MYDGF: variants seen among roughly 807,000 people sequenced by gnomAD.
MYDGF encodes the protein myeloid derived growth factor, also known as myeloid-derived growth factor.
Under a neutral mutation model 24.2 loss-of-function variants are expected in MYDGF, and 29 were observed. The ratio of observed to expected loss-of-function variants is 1.20; its 90% CI spans 0.89 to 1.63. MYDGF has a LOEUF of 1.63. MYDGF is among the 40% of genes most tolerant of loss of function. The pLI, the probability that MYDGF is intolerant of heterozygous loss-of-function variation, is 0.00. For synonymous variants in MYDGF, 105 were observed against 102.5 expected (o/e 1.02, Z -0.15); for missense variants, 245 against 234.8 (o/e 1.04, Z -0.29).
At position 4,670,305 on chromosome 19, in the gene MYDGF, G is replaced by A. The variant is rs751600499; in HGVS notation, c.30C>T (p.Gly10=). The A allele has an allele frequency of 1.3e-6, 2 of 1,494,748 alleles. No individual in the cohort carries two copies. Among genetic ancestry groups the A allele is most frequent in the East Asian group, 2.8e-5 (1 of 35,114 alleles). 92.6% of individuals were successfully genotyped at this position (1,494,748 alleles called of 1,614,324 possible). The part of the protein sequence containing the change: MAAPSGGWN[G]VGASLWAALL... ...GCGCGGCCCACAAGCTCGCGCCGAC[G>A]CCGTTCCACCCTCCGCTGGGCGCCG... The change falls in exon 1 of 6, where the codon GGC becomes GGT. Residue 10 remains glycine (G), a synonymous_variant. Transcript: ENST00000262947.
intron 3 of MYDGF, among the ~76,000 whole-genome samples, chr19:4,662,593 G>GA (rs546287388): frequency 8.0e-4 from 122 of 152,268 alleles, no homozygotes; most frequent in Non-Finnish European, 1.6e-3. Context: ...GGTGTCTGGG[G>GA]AGACTTGGGG....
chr19:4,668,315 C>A (rs555334574), intron 2 of MYDGF, among the ~76,000 whole-genome samples: 1 of 152,204 alleles, frequency 6.6e-6, no homozygotes, highest in Non-Finnish European at 1.5e-5. Context: ...TTGCACTGCA[C>A]ATAAAATACA....
intron 2 of MYDGF, among the ~76,000 whole-genome samples, chr19:4,668,045 A>C (rs1025797817): frequency 2.0e-5 from 3 of 152,188 alleles, no homozygotes; most frequent in African/African-American, 7.2e-5. Flanking sequence ...CTCCTGCCTC[A>C]GCCTCCTGAG....
intron 4 of MYDGF, chr19:4,660,451 A>G (rs981359426): frequency 5.3e-6 from 3 of 570,778 alleles, no homozygotes; most frequent in Admixed American, 3.2e-5. Context: ...TCTGGCATAT[A>G]CAAGAGAAGC....
intron 2 of MYDGF, among the ~76,000 whole-genome samples, chr19:4,667,121 CTTTTTTTTTTT>C (rs57093750): frequency 3.9e-5 from 4 of 102,170 alleles, no homozygotes; most frequent in African/African-American, 1.3e-4. Context: ...TCAAATCACC[CTTTTTTTTTTT>C]TTTTTTTTTT....
chr19:4,665,881 T>C (rs66729519), intron 2 of MYDGF, among the ~76,000 whole-genome samples: 2 of 80,034 alleles, frequency 2.5e-5, no homozygotes, highest in Non-Finnish European at 7.6e-5. Flanking sequence ...GAAAAATAAA[T>C]AAACACAAGC....
At chr19:4,660,129 G>A in intron 4 of MYDGF, 126 bp from the exon 5 acceptor site, 1 of 950,396 alleles carries the variant, frequency 1.1e-6, no homozygotes, top group Admixed American at 2.0e-5. Context: ...ATGGAGAGGA[G>A]ACTTTTTTGT....
intron 5 of MYDGF, 36 bp from the exon 6 acceptor site, chr19:4,658,120 T>C (rs373317467): frequency 2.8e-5 from 44 of 1,576,398 alleles, no homozygotes; most frequent in African/African-American, 1.3e-4. Flanking sequence ...GCCCTCAACA[T>C]TGAAAATTCT....
In MYDGF at chr19:4,663,209, G is replaced by A. The variant is rs1400064466; in HGVS notation, c.287+1667C>T. The stretch of plus-strand genomic sequence containing the variant: ...CCAATCTACCCTCCCCACCCGTCCT[G>A]TCCTCATTCTACACAGCCTCCAATC... On this transcript the variant is annotated intron_variant, in intron 3 of 5. Transcript: ENST00000262947. 1.2e-3 allele frequency among the ~76,000 whole-genome samples: 63 copies of A among 54,400 alleles called. 1 individual carries two copies. The highest frequency in any genetic ancestry group is 3.0e-3 in the East Asian group (5 of 1,692). The allele number at this position is 54,400 out of a possible 152,430, so 35.7% of individuals were successfully genotyped here.
chr19:4,666,422 C>T (rs112719930), intron 2 of MYDGF, among the ~76,000 whole-genome samples: 20,157 of 151,716 alleles, frequency 0.13, 3,187 homozygotes, highest in African/African-American at 0.38. Flanking sequence ...ATTACAGGCG[C>T]GTGCCACCAC....
chr19:4,664,916 TC>T lies in MYDGF; in HGVS notation c.246del (p.Thr83ProfsTer54). The T allele has an allele frequency of 6.2e-7, 1 of 1,612,864 alleles. No homozygotes were observed. Among genetic ancestry groups the T allele is most frequent in the Non-Finnish European group, 8.5e-7 (1 of 1,179,834 alleles). On this transcript the variant is annotated frameshift_variant, in exon 3 of 6. Coordinates refer to ENST00000262947, the MANE Select transcript of MYDGF (RefSeq NM_019107.4). LOFTEE classifies it high-confidence loss of function. ...GTNEQWQMSL[G>X]TSEDHQHFTC... Reference sequence around the variant, plus strand: ...GTGAAGTGCTGGTGGTCTTCGCTGGTCCCCAGACTCATCTGCCATTGCTGGG... The same window carrying T: ...GTGAAGTGCTGGTGGTCTTCGCTGGTCCCAGACTCATCTGCCATTGCTGGG...
chr19:4,667,155 G>A (rs1599840054), intron 2 of MYDGF, among the ~76,000 whole-genome samples: 1 of 125,606 alleles, frequency 8.0e-6, no homozygotes, highest in South Asian at 2.6e-4. Context: ...TTGAGACAGA[G>A]TCTCGCTCTG....
At chr19:4,668,280 T>C (rs2088535775) in intron 2 of MYDGF, among the ~76,000 whole-genome samples, 1 of 152,234 alleles carries the variant, frequency 6.6e-6, no homozygotes, top group South Asian at 2.1e-4. Context: ...GGTGCTGTTT[T>C]AAGCCCCTAA....
At position 4,664,879 on chromosome 19, in the gene MYDGF, C is replaced by T; in HGVS notation, c.284G>A (p.Trp95Ter). 1 of 1,612,710 alleles carries T rather than the reference C, an allele frequency of 6.2e-7. No individual in the cohort carries two copies. The highest frequency in any genetic ancestry group is 8.5e-7 in the Non-Finnish European group (1 of 1,179,720). ...CCATCCCCACCCCGAGTCTCACCTC[C>T]AGATGGTGCAGGTGAAGTGCTGGTG... Reference protein sequence around the residue: ...EDHQHFTCTIWRPQGKSYLYF... With the variant: ...EDHQHFTCTI Residue 95 changes from tryptophan (W) to a stop codon, truncating the protein, a stop_gained, in exon 3 of 6, where the codon TGG becomes TAG. Transcript: ENST00000262947. LOFTEE classifies it high-confidence loss of function.
chr19:4,661,835 T>A (rs1011075842), intron 3 of MYDGF, among the ~76,000 whole-genome samples: 1 of 152,084 alleles, frequency 6.6e-6, no homozygotes. Flanking sequence ...GGAGCTTTTG[T>A]GGGGGTTGGA....
chr19:4,660,879 C>T (rs1269399696), intron 3 of MYDGF, 129 bp from the exon 4 acceptor site: 8 of 595,504 alleles, frequency 1.3e-5, no homozygotes, highest in Middle Eastern at 4.3e-4. Flanking sequence ...TCAACATGGA[C>T]GCCATTCCCG....
chr19:4,668,815 G>T, intron 1 of MYDGF, 170 bp from the exon 2 acceptor site: 1 of 543,014 alleles, frequency 1.8e-6, no homozygotes, highest in Non-Finnish European at 3.3e-6. Flanking sequence ...TCAAGTAACT[G>T]AGACAATAGG....
chr19:4,658,069 C>A lies in MYDGF; in HGVS notation c.458G>T (p.Gly153Val), dbSNP rs201436134. 1 of 1,611,092 alleles carries A rather than the reference C, an allele frequency of 6.2e-7. No individual in the cohort carries two copies. The change falls in exon 6 of 6, where the codon GGG (glycine) becomes GTG (valine). Residue 153 changes from glycine to valine, a missense_variant. Physicochemically the swap from Gly to Val is moderately radical, Grantham distance 109. Transcript: ENST00000262947. ...CTTGGACAGCTCAGCTTTGAATGCC[C>A]CGGGCCTGTGAGCCACTGCAAGAAA... ...VTKTAVAHRP[G>V]AFKAELSKLV...
intron 2 of MYDGF, among the ~76,000 whole-genome samples, chr19:4,667,547 T>C (rs767631687): frequency 6.6e-6 from 1 of 151,730 alleles, no homozygotes; most frequent in Non-Finnish European, 1.5e-5. Flanking sequence ...GCTGGGATTA[T>C]AGGCATGAGC....
Sources: allele counts gnomAD v4.1 joint callset (sites outside exome capture counted in the v4.1 genomes callset), GRCh38; gene constraint gnomAD v4.1.1; transcripts MANE v1.5; gene names NCBI Gene and HGNC (gene_info 2026-07-23, HGNC 2026-07-21).